The following DAW1 variants were observed in gnomAD, a reference collection of about 807,000 sequenced individuals.
DAW1 encodes the protein dynein assembly factor with WD repeat domains 1.
A neutral mutation model predicts 56.5 loss-of-function variants in DAW1; 47 were observed. The observed-to-expected ratio is 0.83, with a 90% CI of 0.66 to 1.06. The LOEUF is 1.06. Ranked by LOEUF, DAW1 falls within the 50% of genes least tolerant of loss-of-function variation. The pLI, the probability that DAW1 is intolerant of heterozygous loss-of-function variation, is 0.00. For missense variants in DAW1, 505 were observed against 499.3 expected (o/e 1.01, Z -0.11); for synonymous variants, 190 against 179.0 (o/e 1.06, Z -0.49).
chr2:227,912,477 A>T, intron 10 of DAW1: 4 of 1,303,222 alleles, frequency 3.1e-6, no homozygotes, highest in Non-Finnish European at 4.0e-6. Context: ...ATGGTATGCT[A>T]CATGCTGTGT....
chr2:227,914,049 T>C (rs753958433), intron 10 of DAW1, among the ~76,000 whole-genome samples: 3 of 151,852 alleles, frequency 2.0e-5, no homozygotes, highest in Admixed American at 2.0e-4. Flanking sequence ...CTAAAGGCCT[T>C]TATAATGCAA....
At chr2:227,919,904 TC>T (rs1413037659) in intron 11 of DAW1, among the ~76,000 whole-genome samples, 1 of 152,226 alleles carries the variant, frequency 6.6e-6, no homozygotes, top group Non-Finnish European at 1.5e-5. Flanking sequence ...CAGGCTGTAC[TC>T]TCGGCCTTTC....
intron 4 of DAW1, among the ~76,000 whole-genome samples, chr2:227,891,884 G>T (rs1483986916): frequency 3.3e-5 from 5 of 152,176 alleles, no homozygotes; most frequent in African/African-American, 1.2e-4. Context: ...AGTTGGGGAG[G>T]TTAGAGGTCA....
intron 12 of DAW1, among the ~76,000 whole-genome samples, chr2:227,922,156 A>G (rs1692125154): frequency 6.6e-6 from 1 of 152,224 alleles, no homozygotes; most frequent in Middle Eastern, 3.2e-3. Context: ...CTGTCTCAAG[A>G]AAAAAGTTGA....
intron 2 of DAW1, chr2:227,889,619 A>G: frequency 3.0e-6 from 1 of 338,894 alleles, no homozygotes; most frequent in Non-Finnish European, 5.3e-6. Flanking sequence ...AACAAGCCTT[A>G]GCTTTGGAAA....
intron 1 of DAW1, among the ~76,000 whole-genome samples, chr2:227,884,288 C>A (rs74509513): frequency 0.016 from 2,373 of 152,062 alleles, 54 homozygotes; most frequent in African/African-American, 0.054. Flanking sequence ...TTTATAATAT[C>A]TTCTTTAAAG....
At chr2:227,923,784 G>GCTCA (rs1692162481) in intron 12 of DAW1, 150 bp from the exon 13 acceptor site, 1 of 843,422 alleles carries the variant, frequency 1.2e-6, no homozygotes, top group African/African-American at 1.7e-5. Context: ...TGCCTGAGCT[G>GCTCA]CTCAGAGACT....
chr2:227,898,815 C>T (rs957404142), intron 6 of DAW1, among the ~76,000 whole-genome samples: 1 of 152,090 alleles, frequency 6.6e-6, no homozygotes, highest in South Asian at 2.1e-4. Flanking sequence ...CCTACATTGA[C>T]TAAGTAGACA....
chr2:227,899,567 G>A (rs752161554), intron 6 of DAW1, among the ~76,000 whole-genome samples: 1 of 152,236 alleles, frequency 6.6e-6, no homozygotes, highest in Non-Finnish European at 1.5e-5. Flanking sequence ...TAAAAAGAAT[G>A]TGCTAATAAC....
Position 227,898,220 on chromosome 2 carries a change from A to G in DAW1, c.479A>G (p.Lys160Arg). 1.3e-6 allele frequency: 2 copies of G among 1,575,044 alleles called. No individual in the cohort carries two copies. Among genetic ancestry groups the G allele is most frequent in the African/African-American group, 1.3e-5 (1 of 74,536 alleles). The change falls in exon 6 of 13, where the codon AAA becomes AGA. Residue 160 changes from lysine (K) to arginine (R), a missense_variant. Physicochemically the swap from Lys to Arg is conservative, Grantham distance 26. Transcript: ENST00000309931. Reference protein sequence around the residue: ...IATGSFDKTCKLWSVETGKCY... With the variant: ...IATGSFDKTCRLWSVETGKCY... ...ACTGGGTCCTTTGATAAAACTTGTA[A>G]ACTCTGGAGTGTGGAAACAGGAAAA...
chr2:227,890,728 G>A (rs556392682), intron 3 of DAW1, among the ~76,000 whole-genome samples: 2 of 152,304 alleles, frequency 1.3e-5, no homozygotes, highest in South Asian at 2.1e-4. Flanking sequence ...TATAACTAGC[G>A]TGTCTCAATT....
At chr2:227,890,558 T>C (rs1691238661) in intron 3 of DAW1, among the ~76,000 whole-genome samples, 1 of 152,222 alleles carries the variant, frequency 6.6e-6, no homozygotes, top group Non-Finnish European at 1.5e-5. Context: ...TGCTTTTATC[T>C]TTTATGATTT....
intron 2 of DAW1, 33 bp downstream of exon 2, chr2:227,885,456 T>C: frequency 1.3e-6 from 2 of 1,533,804 alleles, no homozygotes; most frequent in South Asian, 2.4e-5. Context: ...CAAATAAATG[T>C]TCACTGGGAA....
rs763108552 is a variant in DAW1 at position 227,907,251 on chromosome 2, T to G, written c.972T>G (p.Asp324Glu). Residue 324 changes from aspartate to glutamate, a missense_variant and splice_region_variant, in exon 10 of 13, where the codon GAT becomes GAG. Asp to Glu is a conservative substitution (Grantham distance 45). Transcript: ENST00000309931. ...TGKLIATASA[D>E]GTARIFSAAT... ...AGCTTATTGCAACTGCTTCAGCTGA[T>G]GGTAGGTGATCTGTTCATTCTTTTA... 17 of 1,610,636 alleles carry G rather than the reference T, an allele frequency of 1.1e-5. No individual in the cohort carries two copies. Among genetic ancestry groups the G allele is most frequent in the Non-Finnish European group, 1.4e-5 (17 of 1,177,626 alleles).
At chr2:227,890,091 GA>G in intron 3 of DAW1, 91 bp downstream of exon 3, 2 of 1,320,878 alleles carry the variant, frequency 1.5e-6, no homozygotes, top group Non-Finnish European at 2.0e-6. Context: ...ATTTTTTCAT[GA>G]AAAAGGCATG....
At chr2:227,876,635 T>C in intron 1 of DAW1, 2 of 496,858 alleles carry the variant, frequency 4.0e-6, no homozygotes, top group Non-Finnish European at 6.5e-6. Context: ...CACTTTCTTT[T>C]GAATAACGTA....
rs768265121 is a variant in DAW1, at chr2:227,871,694, A to G, written c.5A>G (p.Lys2Arg). ...CGGGGATAAGAGAGCAAGAAAATGA[A>G]GCTCAAGAGCCTCCTGCTCCGGTAT... The part of the protein sequence containing the change: M[K>R]LKSLLLRYYP... The change falls in exon 1 of 13, where the codon AAG becomes AGG. Residue 2 changes from lysine (K) to arginine (R), a missense_variant. Coordinates refer to ENST00000309931, the MANE Select transcript of DAW1 (RefSeq NM_178821.3). 1.9e-6 allele frequency: 3 copies of G among 1,613,816 alleles called. No homozygotes were observed. In the Admixed American group the frequency reaches 5.0e-5, roughly 27 times the overall value.
rs111908726 is a variant in DAW1, at chr2:227,888,521, G to A, written c.114-1335G>A. On this transcript the variant is annotated intron_variant, in intron 2 of 12. Transcript: ENST00000309931. ...AGAGGAGTGCCTCACAGGGAGAAACGGCCAGGCTCTTGCTCTGCCCCTGCT... is the reference window on the plus strand; with the variant it reads ...AGAGGAGTGCCTCACAGGGAGAAACAGCCAGGCTCTTGCTCTGCCCCTGCT... Among the ~76,000 whole-genome samples, 434 of 152,284 alleles carry A rather than the reference G, an allele frequency of 2.8e-3. 2 individuals carry two copies. The highest frequency in any genetic ancestry group is 9.8e-3 in the African/African-American group (407 of 41,562).
At chr2:227,911,199 CAT>C (rs761935268) in intron 10 of DAW1, among the ~76,000 whole-genome samples, 1 of 88,652 alleles carries the variant, frequency 1.1e-5, no homozygotes, top group South Asian at 3.2e-4. Flanking sequence ...TATACACATA[CAT>C]ATATATGTGT....
Sources: allele counts gnomAD v4.1 joint callset (sites outside exome capture counted in the v4.1 genomes callset), GRCh38; gene constraint gnomAD v4.1.1; transcripts MANE v1.5; gene names NCBI Gene and HGNC (gene_info 2026-07-23, HGNC 2026-07-21).